Variants in STK36 observed in about 807,000 individuals in gnomAD.
The protein encoded by STK36 is serine/threonine kinase 36.
STK36 carries 116 observed loss-of-function variants against 142.2 expected under a neutral mutation model. The ratio of observed to expected loss-of-function variants is 0.82; its 90% CI spans 0.70 to 0.95. The LOEUF is 0.95. Among genes scored for constraint, STK36 ranks in the 40% least tolerant of loss-of-function variants. The pLI, the probability that STK36 is intolerant of heterozygous loss-of-function variation, is 0.00. For missense variants in STK36, 1,422 were observed against 1,617.2 expected (o/e 0.88, Z 2.07); for synonymous variants, 619 against 641.7 (o/e 0.96, Z 0.53).
Position 218,673,964 on chromosome 2 carries a change from T to C in STK36, c.303+8T>C. 1 of 1,612,794 alleles carries C rather than the reference T, an allele frequency of 6.2e-7. No homozygotes were observed. Among genetic ancestry groups the C allele is most frequent in the Non-Finnish European group, 8.5e-7 (1 of 1,179,432 alleles). On this transcript the variant is annotated splice_region_variant and intron_variant, in intron 4 of 26. Coordinates refer to ENST00000295709, the MANE Select transcript of STK36 (RefSeq NM_015690.5). ...AAACTTCCTGAAGACCAGGTATGCT[T>C]TCTGCCTTCAACTTCTCCCCACCTC...
At position 218,691,698 on chromosome 2, in the gene STK36, G is replaced by T. The variant is rs183037364; in HGVS notation, c.1765-445G>T. ...GGCCTCTTGAGTAGCTGAGACTATG[G>T]GTGCACACCACCAGACCTGGCTATT... On this transcript the variant is annotated intron_variant, in intron 14 of 26. Coordinates refer to ENST00000295709, the MANE Select transcript of STK36 (RefSeq NM_015690.5). Among the ~76,000 whole-genome samples, 30 of 152,110 alleles carry T rather than the reference G, an allele frequency of 2.0e-4. No homozygotes were observed. The East Asian group carries it at 5.6e-3, about 28-fold the overall frequency.
chr2:218,698,975 G>A lies in STK36; in HGVS notation c.3431G>A (p.Arg1144His), dbSNP rs202055753. The A allele has an allele frequency of 9.9e-6, 16 of 1,614,004 alleles. No homozygotes were observed. Among genetic ancestry groups the A allele is most frequent in the East Asian group, 4.5e-5 (2 of 44,874 alleles). The change falls in exon 26 of 27, where the codon CGT (arginine) becomes CAT (histidine). Residue 1144 changes from arginine (R) to histidine (H), a missense_variant. Arg to His is a conservative substitution (Grantham distance 29). This residue lies in a region of STK36 where 962 missense variants were observed against 1,167.5 expected (regional missense o/e 0.82). Transcript: ENST00000295709. ...TTGCTCCAACACAGCATGGCCCTGC[G>A]TGGGGCACTGCAGAGCCAGTCTGGA... ...GHLLQHSMALRGALQSQSGLL... is the reference protein window; with the variant it reads ...GHLLQHSMALHGALQSQSGLL...
intron 15 of STK36, 36 bp from the exon 16 acceptor site, chr2:218,692,547 C>G (rs759399538): frequency 1.7e-5 from 27 of 1,590,976 alleles, no homozygotes; most frequent in Non-Finnish European, 2.3e-5. Context: ...GCAAGAGCCT[C>G]AGGCCTTTGG....
chr2:218,693,389 C>T (rs201463547), intron 17 of STK36, 45 bp downstream of exon 17: 4 of 1,543,444 alleles, frequency 2.6e-6, no homozygotes, highest in Non-Finnish European at 2.7e-6. Flanking sequence ...TTTTAACTCC[C>T]AGTGCAGACA....
intron 10 of STK36, among the ~76,000 whole-genome samples, chr2:218,680,913 A>G (rs1030330971): frequency 2.0e-5 from 3 of 152,210 alleles, no homozygotes; most frequent in African/African-American, 7.2e-5. Flanking sequence ...GAAAGTCCTC[A>G]TTGAATCAGT....
At chr2:218,679,427 A>ACT in intron 7 of STK36, 133 bp from the exon 8 acceptor site, 4 of 1,305,610 alleles carry the variant, frequency 3.1e-6, no homozygotes, top group Non-Finnish European at 4.2e-6. Context: ...CTTACAACCC[A>ACT]CTCTCTCTCT....
Position 218,699,318 on chromosome 2 carries a change from G to A in STK36, c.3774G>A (p.Arg1258=). The part of the protein sequence containing the change: ...NVKEAALIAL[R]SLQQEPGIHQ... ...AGGAGGCTGCCCTCATTGCCCTCCG[G>A]AGCCTGCAACAGGAGCCTGGCATCC... The change falls in exon 26 of 27, where the codon CGG becomes CGA. Residue 1258 remains arginine (R), a synonymous_variant. Coordinates refer to ENST00000295709, the MANE Select transcript of STK36 (RefSeq NM_015690.5). 2.5e-6 allele frequency: 4 copies of A among 1,613,996 alleles called. No individual in the cohort carries two copies. The highest frequency in any genetic ancestry group is 3.4e-6 in the Non-Finnish European group (4 of 1,179,990).
chr2:218,674,697 G>A (rs926420295), intron 4 of STK36, among the ~76,000 whole-genome samples: 3 of 152,328 alleles, frequency 2.0e-5, no homozygotes, highest in African/African-American at 7.2e-5. Flanking sequence ...CGCCTTCCAG[G>A]TTCAAGCAAT....
intron 6 of STK36, among the ~76,000 whole-genome samples, chr2:218,678,258 T>C (rs1261532302): frequency 1.3e-5 from 2 of 152,178 alleles, no homozygotes; most frequent in Non-Finnish European, 2.9e-5. Flanking sequence ...CCTTCTTTTA[T>C]TTTTTATGTA....
chr2:218,688,982 T>G (rs1940890106), intron 12 of STK36, 106 bp downstream of exon 12: 1 of 1,140,494 alleles, frequency 8.8e-7, no homozygotes, highest in Non-Finnish European at 1.2e-6. Context: ...TTTTATTTTC[T>G]TTCCTCCTCT....
At chr2:218,696,262 AAGTT>A (rs1218974107) in intron 21 of STK36, among the ~76,000 whole-genome samples, 3 of 152,192 alleles carry the variant, frequency 2.0e-5, no homozygotes, top group Non-Finnish European at 2.9e-5. Flanking sequence ...TTTCTAGACT[AAGTT>A]AGCCTTCAGA....
chr2:218,695,551 T>TTTTTA (rs1941200808), intron 21 of STK36, among the ~76,000 whole-genome samples: 2 of 143,894 alleles, frequency 1.4e-5, no homozygotes, highest in African/African-American at 5.2e-5. Context: ...TTTTTTTTTT[T>TTTTTA]GAGACGGAGT....
Position 218,676,228 on chromosome 2 carries a change from A to G in STK36, c.634A>G (p.Ile212Val). 3 of 1,614,202 alleles carry G rather than the reference A, an allele frequency of 1.9e-6. No homozygotes were observed. Among genetic ancestry groups the G allele is most frequent in the Non-Finnish European group, 2.5e-6 (3 of 1,180,044 alleles). The change falls in exon 6 of 27, where the codon ATT (isoleucine) becomes GTT (valine). Residue 212 changes from isoleucine to valine, a missense_variant. Physicochemically the swap from Ile to Val is conservative, Grantham distance 29 (BLOSUM62 3). Around this residue, in one of 2 missense-constraint regions of STK36, gnomAD observed 460 missense variants for 449.6 expected, o/e 1.02. Coordinates refer to ENST00000295709, the MANE Select transcript of STK36 (RefSeq NM_015690.5). ...AAGCATCTTTCAGCTGGTCAGCCTC[A>G]TTCTCAAGGACCCTGTGCGCTGGCC... is the stretch of plus-strand genomic sequence containing the variant. ...ATSIFQLVSL[I>V]LKDPVRWPST...
Position 218,698,584 on chromosome 2 carries a change from T to C in STK36, c.3058-18T>C. 6.2e-7 allele frequency: 1 copy of C among 1,609,174 alleles called. No individual in the cohort carries two copies. The highest frequency in any genetic ancestry group is 8.5e-7 in the Non-Finnish European group (1 of 1,177,072). ...TACTCTCTCTCTCCCTGAATCCTTTTACCTCCTGTTCTCTCAGGTCTGCTG... is the reference window on the plus strand; with the variant it reads ...TACTCTCTCTCTCCCTGAATCCTTTCACCTCCTGTTCTCTCAGGTCTGCTG... On this transcript the variant is annotated intron_variant, in intron 25 of 26. Coordinates refer to ENST00000295709, the MANE Select transcript of STK36 (RefSeq NM_015690.5).
intron 6 of STK36, 148 bp downstream of exon 6, chr2:218,676,426 A>G (rs957477271): frequency 2.8e-6 from 3 of 1,059,252 alleles, no homozygotes; most frequent in South Asian, 1.7e-5. Context: ...TCGCATTGCT[A>G]TACAGAACCA....
At position 218,679,250 on chromosome 2, in the gene STK36, G is replaced by T. The variant is rs749909000; in HGVS notation, c.767G>T (p.Gly256Val). ...CTCTTATATCACCCCTTTATTGCTG[G>T]TCATGTCACCAGTGAGTCATCAGGG... ...PDLLYHPFIA[G>V]HVTIITEPAG... is the part of the protein sequence containing the mutation. The change falls in exon 7 of 27, where the codon GGT (glycine) becomes GTT (valine). Residue 256 changes from glycine to valine, a missense_variant. By Grantham distance (109) the Gly-to-Val change is moderately radical (BLOSUM62 -3). Around this residue, in one of 2 missense-constraint regions of STK36, gnomAD observed 460 missense variants for 449.6 expected, o/e 1.02. Coordinates refer to ENST00000295709, the MANE Select transcript of STK36 (RefSeq NM_015690.5). The T allele has an allele frequency of 1.6e-5, 26 of 1,614,126 alleles. No homozygotes were observed. The South Asian group carries it at 2.6e-4, about 16-fold the overall frequency.
chr2:218,674,246 C>T (rs963451501), intron 4 of STK36, among the ~76,000 whole-genome samples: 2 of 152,170 alleles, frequency 1.3e-5, no homozygotes, highest in Admixed American at 6.5e-5. Flanking sequence ...AGATAATAAT[C>T]ATGTTTGCCT....
At position 218,676,155 on chromosome 2, in the gene STK36, C is replaced by T; in HGVS notation, c.561C>T (p.Gly187=). The change falls in exon 6 of 27, where the codon GGC becomes GGT. Residue 187 remains glycine, a synonymous_variant. Coordinates refer to ENST00000295709, the MANE Select transcript of STK36 (RefSeq NM_015690.5). ...ACACAGCGGACCTCTGGTCTGTTGG[C>T]TGCATACTATATGAACTGGCAGTAG... is the stretch of plus-strand genomic sequence containing the variant. The part of the protein sequence containing the change: ...YDHTADLWSV[G]CILYELAVGT... The T allele has an allele frequency of 1.9e-6, 3 of 1,614,176 alleles. No homozygotes were observed. Among genetic ancestry groups the T allele is most frequent in the Non-Finnish European group, 2.5e-6 (3 of 1,180,036 alleles).
intron 21 of STK36, 140 bp from the exon 22 acceptor site, chr2:218,696,387 T>C: frequency 2.9e-6 from 2 of 685,692 alleles, no homozygotes; most frequent in Non-Finnish European, 5.2e-6. Flanking sequence ...ACCGAAATGG[T>C]TCCCCCAGGC....
Sources: gnomAD v4.1 joint callset for allele counts (sites outside exome capture counted in the v4.1 genomes callset) on GRCh38, gnomAD v4.1.1 for gene constraint, gnomAD v4.1.1 regional missense constraint, MANE v1.5 for transcripts, NCBI Gene and HGNC (gene_info 2026-07-23, HGNC 2026-07-21) for gene names.